The following TMX4 variants were observed in gnomAD, a reference collection of about 807,000 sequenced individuals.
TMX4 encodes thioredoxin related transmembrane protein 4, also known as thioredoxin-related transmembrane protein 4.
A neutral mutation model predicts 33.3 loss-of-function variants in TMX4; 23 were observed. The ratio of observed to expected loss-of-function variants is 0.69; its 90% CI spans 0.50 to 0.98. TMX4 has a LOEUF of 0.98. Ranked by LOEUF, TMX4 falls within the 50% of genes least tolerant of loss-of-function variation. The probability of loss-of-function intolerance (pLI) is 0.00; values close to 1 mark genes in which losing one functional copy is unlikely to be tolerated. For missense variants in TMX4, 399 were observed against 448.9 expected, an observed-to-expected ratio of 0.89 and a Z score of 1.01; for synonymous variants, 164 against 161.5, an observed-to-expected ratio of 1.02 and a Z score of -0.12.
At chr20:8,014,677 G>A (rs908903559) in intron 1 of TMX4, among the ~76,000 whole-genome samples, 9 of 152,360 alleles carry the variant, frequency 5.9e-5, no homozygotes, top group Non-Finnish European at 1.3e-4. Context: ...GGGGCATTGC[G>A]ATGATGGGAA....
At chr20:7,990,643 G>T (rs560946534) in intron 5 of TMX4, among the ~76,000 whole-genome samples, 2 of 152,286 alleles carry the variant, frequency 1.3e-5, no homozygotes, top group Non-Finnish European at 2.9e-5. Flanking sequence ...GCCCAGTGTT[G>T]CAGAGTCTCA....
In TMX4 at chr20:7,999,771, A is replaced by C; in HGVS notation, c.428T>G (p.Val143Gly). 6.2e-7 allele frequency: 1 copy of C among 1,613,572 alleles called. No homozygotes were observed. Among genetic ancestry groups the C allele is most frequent in the Non-Finnish European group, 8.5e-7 (1 of 1,179,824 alleles). Residue 143 changes from valine to glycine, a missense_variant, in exon 4 of 8, where the codon GTC becomes GGC. By Grantham distance (109) the Val-to-Gly change is moderately radical. Coordinates refer to ENST00000246024, the MANE Select transcript of TMX4 (RefSeq NM_021156.4). ...GGATTTCCAGCCAGTCAGAGGCTCGACTGATTGCCATTTCTTCTCTAAGAT... is the reference window on the plus strand; with the variant it reads ...GGATTTCCAGCCAGTCAGAGGCTCGCCTGATTGCCATTTCTTCTCTAAGAT... ...NYILEKKWQS[V>G]EPLTGWKSPA...
intron 1 of TMX4, chr20:8,019,192 C>T (rs2050798841): frequency 4.0e-6 from 2 of 503,042 alleles, no homozygotes; most frequent in Admixed American, 4.2e-5. Flanking sequence ...GCATGCGCGG[C>T]GCGAGCGGCC....
Position 7,977,481 on chromosome 20 carries a change from T to C in TMX4, c.*4770A>G, listed in dbSNP as rs1384747847. On this transcript the variant is annotated 3_prime_UTR_variant, in exon 8 of 8. Coordinates refer to ENST00000246024, the MANE Select transcript of TMX4 (RefSeq NM_021156.4). ...TTACTTACCAATCACTATCATTAGGTTTTGATGCAAATGGGAATTTACAAT... is the reference window on the plus strand; with the variant it reads ...TTACTTACCAATCACTATCATTAGGCTTTGATGCAAATGGGAATTTACAAT... 2.0e-5 allele frequency: 3 copies of C among 152,208 alleles called. No individual in the cohort carries two copies. The highest frequency in any genetic ancestry group is 2.4e-5 in the African/African-American group (1 of 41,450). 9.4% of individuals were successfully genotyped at this position (152,208 alleles called of 1,614,324 possible).
intron 5 of TMX4, among the ~76,000 whole-genome samples, chr20:7,991,753 A>T (rs2050655905): frequency 6.6e-6 from 1 of 152,216 alleles, no homozygotes; most frequent in Non-Finnish European, 1.5e-5. Context: ...TAACTAACAA[A>T]AAGCAATTAT....
intron 2 of TMX4, among the ~76,000 whole-genome samples, chr20:8,006,203 A>G (rs1255876552): frequency 6.6e-6 from 1 of 151,836 alleles, no homozygotes; most frequent in Admixed American, 6.6e-5. Flanking sequence ...GAAGCAAGCC[A>G]CACCCCCAAC....
chr20:7,988,776 G>A (rs190165928), intron 5 of TMX4, among the ~76,000 whole-genome samples: 1 of 152,308 alleles, frequency 6.6e-6, no homozygotes, highest in Admixed American at 6.5e-5. Context: ...TGTAATCCCA[G>A]CACTTTGGGA....
At chr20:8,006,511 A>G (rs2050731190) in intron 2 of TMX4, among the ~76,000 whole-genome samples, 1 of 152,202 alleles carries the variant, frequency 6.6e-6, no homozygotes. Flanking sequence ...TAAAGTGCTC[A>G]ACTGTGGGGA....
intron 5 of TMX4, among the ~76,000 whole-genome samples, chr20:7,994,476 T>C (rs1207633018): frequency 6.6e-6 from 1 of 152,224 alleles, no homozygotes; most frequent in Admixed American, 6.5e-5. Flanking sequence ...CTGTAACTCC[T>C]TATTTAAACT....
chr20:7,988,554 T>C (rs80274990), intron 5 of TMX4, among the ~76,000 whole-genome samples: 2,082 of 152,354 alleles, frequency 0.014, 55 homozygotes, highest in East Asian at 0.065. Context: ...GTTTAAACAC[T>C]GACACATGGA....
chr20:7,982,125 A>C lies in TMX4; in HGVS notation c.*126T>G. ...AGGCTTACTGCCATGAGACCAAATG[A>C]CTAGAGAGCATCTTTTAAGAGAAGC... On this transcript the variant is annotated 3_prime_UTR_variant, in exon 8 of 8. Coordinates refer to ENST00000246024, the MANE Select transcript of TMX4 (RefSeq NM_021156.4). 1.0e-6 allele frequency: 1 copy of C among 978,136 alleles called. No individual in the cohort carries two copies. Among genetic ancestry groups the C allele is most frequent in the Non-Finnish European group, 1.5e-6 (1 of 677,026 alleles). 60.6% of individuals were successfully genotyped at this position (978,136 alleles called of 1,614,324 possible). A position where few individuals can be genotyped will look rare whatever the true frequency, so the allele number is the denominator to read the frequency against.
intron 6 of TMX4, 138 bp downstream of exon 6, chr20:7,987,150 A>G: frequency 1.6e-6 from 1 of 632,862 alleles, no homozygotes; most frequent in South Asian, 2.1e-5. Flanking sequence ...AGCAGTCTCA[A>G]ACAAGCAAAT....
At position 7,982,136 on chromosome 20, in the gene TMX4, T is replaced by C; in HGVS notation, c.*115A>G. The C allele has an allele frequency of 9.1e-7, 1 of 1,094,110 alleles. No homozygotes were observed. The highest frequency in any genetic ancestry group is 1.3e-6 in the Non-Finnish European group (1 of 779,660). 67.8% of individuals were successfully genotyped at this position (1,094,110 alleles called of 1,614,324 possible). A position where few individuals can be genotyped will look rare whatever the true frequency, so the allele number is the denominator to read the frequency against. ...CATGAGACCAAATGACTAGAGAGCA[T>C]CTTTTAAGAGAAGCTTGCTCATTCA... On this transcript the variant is annotated 3_prime_UTR_variant, in exon 8 of 8. Transcript: ENST00000246024.
rs2050608883 is a variant in TMX4 at position 7,982,169 on chromosome 20, T to G, written c.*82A>C. 9.8e-6 allele frequency: 14 copies of G among 1,423,854 alleles called. No individual in the cohort carries two copies. Among genetic ancestry groups the G allele is most frequent in the African/African-American group, 1.4e-5 (1 of 70,140 alleles). 88.2% of individuals were successfully genotyped at this position (1,423,854 alleles called of 1,614,324 possible). A position where few individuals can be genotyped will look rare whatever the true frequency, so the allele number is the denominator to read the frequency against. On this transcript the variant is annotated 3_prime_UTR_variant, in exon 8 of 8. Coordinates refer to ENST00000246024, the MANE Select transcript of TMX4 (RefSeq NM_021156.4). ...GAGAAGCTTGCTCATTCAGGAAAAA[T>G]TAAGGATTTGGTACAAACTGCAGGC...
chr20:8,018,529 T>TCTCCGCAATCATTTTCC lies in TMX4; in HGVS notation c.176+908_176+909insGGAAAATGATTGCGGAG, dbSNP rs142450172. ...GAGAGAGAGAGAGAGAGAGAGAGAG[T>TCTCCGCAATCATTTTCC]CTGCAAGCCCACCATGATGGTCTCT... is the stretch of plus-strand genomic sequence containing the variant. On this transcript the variant is annotated intron_variant, in intron 1 of 7. Coordinates refer to ENST00000246024, the MANE Select transcript of TMX4 (RefSeq NM_021156.4). Among the ~76,000 whole-genome samples, 2 of 40,228 alleles carry TCTCCGCAATCATTTTCC rather than the reference T, an allele frequency of 5.0e-5. 1 individual carries two copies. The highest frequency in any genetic ancestry group is 2.1e-4 in the African/African-American group (2 of 9,588). The allele number at this position is 40,228 out of a possible 152,430, so 26.4% of individuals were successfully genotyped here.
At chr20:8,017,425 G>C (rs1386078240) in intron 1 of TMX4, among the ~76,000 whole-genome samples, 3 of 152,168 alleles carry the variant, frequency 2.0e-5, no homozygotes, top group East Asian at 3.9e-4. Context: ...CAGAGCAATT[G>C]ATTACTATGT....
At chr20:8,018,125 T>G (rs746730075) in intron 1 of TMX4, among the ~76,000 whole-genome samples, 6 of 151,408 alleles carry the variant, frequency 4.0e-5, no homozygotes, top group Non-Finnish European at 7.4e-5. Flanking sequence ...GAATCAAAAC[T>G]TGGTCTTGGA....
At chr20:7,990,367 A>G (rs1259426624) in intron 5 of TMX4, among the ~76,000 whole-genome samples, 1 of 151,866 alleles carries the variant, frequency 6.6e-6, no homozygotes, top group African/African-American at 2.4e-5. Flanking sequence ...GACACCTTAT[A>G]CTATCATAGT....
chr20:7,995,989 C>T, intron 5 of TMX4, 37 bp downstream of exon 5: 2 of 1,503,252 alleles, frequency 1.3e-6, no homozygotes, highest in Non-Finnish European at 1.8e-6. Context: ...TTCTTAACCT[C>T]TCTGCAAATA....
Sources: gnomAD v4.1 joint callset for allele counts (sites outside exome capture counted in the v4.1 genomes callset) on GRCh38, gnomAD v4.1.1 for gene constraint, MANE v1.5 for transcripts, NCBI Gene and HGNC (gene_info 2026-07-23, HGNC 2026-07-21) for gene names.